Variants in ARB2A observed in about 807,000 individuals in gnomAD.
ARB2A encodes cotranscriptional regulator ARB2A.
chr5:93,851,506 G>A, the ARB2A span, among the ~76,000 whole-genome samples: 1 of 152,088 alleles, frequency 6.6e-6, no homozygotes, highest in Non-Finnish European at 1.5e-5. Context: ...ACAATGTGCA[G>A]GTTAGTTACA....
the ARB2A span, among the ~76,000 whole-genome samples, chr5:93,837,992 C>T: frequency 2.0e-5 from 3 of 152,034 alleles, no homozygotes; most frequent in Admixed American, 6.6e-5. Flanking sequence ...TTTTGCTGTG[C>T]AGAGATCTTT....
At chr5:93,820,370 C>T in the ARB2A span, among the ~76,000 whole-genome samples, 9 of 152,170 alleles carry the variant, frequency 5.9e-5, no homozygotes, top group Non-Finnish European at 1.0e-4. Context: ...AAGAGCAAAA[C>T]ACTCTGAAAT....
the ARB2A span, chr5:93,866,252 G>T: frequency 3.0e-6 from 3 of 984,448 alleles, no homozygotes; most frequent in Non-Finnish European, 3.6e-6. Context: ...AACATTAGAA[G>T]TGAATGAAGT....
the ARB2A span, among the ~76,000 whole-genome samples, chr5:93,642,732 C>T: frequency 6.6e-6 from 1 of 152,064 alleles, no homozygotes; most frequent in Non-Finnish European, 1.5e-5. Flanking sequence ...TGTTGCCCAG[C>T]TGGTCTTGAA....
chr5:93,662,938 G>C, the ARB2A span, among the ~76,000 whole-genome samples: 1 of 152,144 alleles, frequency 6.6e-6, no homozygotes, highest in Non-Finnish European at 1.5e-5. Flanking sequence ...GTCTGACGAG[G>C]GCTGTGTCCT....
chr5:93,916,987 C>T, the ARB2A span, among the ~76,000 whole-genome samples: 2 of 152,116 alleles, frequency 1.3e-5, no homozygotes, highest in Admixed American at 1.3e-4. Flanking sequence ...TTGGACTATT[C>T]CATTTGTAAC....
At chr5:94,023,104 C>T in the ARB2A span, among the ~76,000 whole-genome samples, 1 of 152,204 alleles carries the variant, frequency 6.6e-6, no homozygotes, top group Non-Finnish European at 1.5e-5. Flanking sequence ...AATCTTTATG[C>T]CAGAATATCT....
chr5:93,924,121 G>A, the ARB2A span, among the ~76,000 whole-genome samples: 6 of 152,046 alleles, frequency 3.9e-5, no homozygotes, highest in Non-Finnish European at 8.8e-5. Context: ...CATGAGGTGA[G>A]GTCTTCAGAG....
the ARB2A span, among the ~76,000 whole-genome samples, chr5:93,870,720 G>A: frequency 1.3e-5 from 2 of 152,280 alleles, no homozygotes; most frequent in African/African-American, 4.8e-5. Flanking sequence ...AGTCTTTACT[G>A]CCACATAAGG....
chr5:93,628,702 C>T, the ARB2A span, among the ~76,000 whole-genome samples: 6 of 152,168 alleles, frequency 3.9e-5, no homozygotes, highest in Admixed American at 2.6e-4. Context: ...ATCTCATGAA[C>T]CAACCTCTTC....
the ARB2A span, chr5:93,741,122 C>T: frequency 6.2e-7 from 1 of 1,613,806 alleles, no homozygotes. Flanking sequence ...ACAGCGATCC[C>T]CACATCGGCC....
the ARB2A span, among the ~76,000 whole-genome samples, chr5:93,699,462 C>A: frequency 6.6e-6 from 1 of 152,092 alleles, no homozygotes. Context: ...CACTGGTATT[C>A]ACTAACCATT....
the ARB2A span, among the ~76,000 whole-genome samples, chr5:93,967,410 G>C: frequency 2.7e-4 from 41 of 152,234 alleles, 1 homozygote; most frequent in East Asian, 7.7e-3. Flanking sequence ...AGATCCATCA[G>C]AGAAGTGAGG....
the ARB2A span, among the ~76,000 whole-genome samples, chr5:93,948,995 C>G: frequency 6.6e-6 from 1 of 152,104 alleles, no homozygotes; most frequent in Non-Finnish European, 1.5e-5. Context: ...TCCCACCTCT[C>G]AGTCCCAAAG....
the ARB2A span, among the ~76,000 whole-genome samples, chr5:93,978,854 G>T: frequency 6.6e-5 from 10 of 151,968 alleles, no homozygotes; most frequent in Non-Finnish European, 5.9e-5. Context: ...TGGCTGGAAC[G>T]GGTGGGGTGG....
chr5:93,866,333 A>C, the ARB2A span: 1 of 960,922 alleles, frequency 1.0e-6, no homozygotes, highest in East Asian at 1.2e-4. Context: ...TTAGTTCTTA[A>C]AATTGATTAT....
the ARB2A span, among the ~76,000 whole-genome samples, chr5:94,092,341 T>C: frequency 3.3e-5 from 5 of 152,154 alleles, no homozygotes; most frequent in African/African-American, 1.2e-4. Context: ...CTTAGGTCTT[T>C]ACCATCTATG....
the ARB2A span, among the ~76,000 whole-genome samples, chr5:93,752,749 G>A: frequency 1.3e-5 from 2 of 152,154 alleles, no homozygotes; most frequent in African/African-American, 4.8e-5. Flanking sequence ...TATCTTAAAT[G>A]ATTCTTTAAT....
At chr5:93,777,834 T>C in the ARB2A span, among the ~76,000 whole-genome samples, 2 of 152,122 alleles carry the variant, frequency 1.3e-5, no homozygotes, top group Middle Eastern at 3.2e-3. Flanking sequence ...AAGGCCCCAG[T>C]CCTCACCAAT....
Sources: allele counts gnomAD v4.1 joint callset (sites outside exome capture counted in the v4.1 genomes callset), GRCh38; gene constraint gnomAD v4.1.1; transcripts MANE v1.5; gene names NCBI Gene and HGNC (gene_info 2026-07-23, HGNC 2026-07-21).